The following HORMAD2 variants were observed in gnomAD, a reference collection of about 807,000 sequenced individuals.
HORMAD2 encodes HORMA domain containing 2, also known as HORMA domain-containing protein 2.
A neutral mutation model predicts 38.8 loss-of-function variants in HORMAD2; 45 were observed. The observed-to-expected ratio is 1.16, with a 90% CI of 0.91 to 1.49. The LOEUF is 1.49. Ranked by LOEUF, HORMAD2 falls within the 40% of genes most tolerant of loss-of-function variation. The probability of loss-of-function intolerance (pLI) is 0.00; values close to 1 mark genes in which losing one functional copy is unlikely to be tolerated. For missense variants in HORMAD2, 338 were observed against 367.0 expected (o/e 0.92, Z 0.65); for synonymous variants, 126 against 122.8 (o/e 1.03, Z -0.17).
intron 10 of HORMAD2, among the ~76,000 whole-genome samples, chr22:30,131,857 T>C (rs1371025550): frequency 6.6e-6 from 1 of 152,218 alleles, no homozygotes; most frequent in Non-Finnish European, 1.5e-5. Flanking sequence ...GTAGTTTACC[T>C]GATGTATTCT....
intron 1 of HORMAD2, among the ~76,000 whole-genome samples, chr22:30,090,238 T>C (rs1569080810): frequency 6.6e-6 from 1 of 151,992 alleles, no homozygotes; most frequent in East Asian, 1.9e-4. Context: ...TGGCAAATGC[T>C]TGTAGTCCCA....
At chr22:30,203,528 C>A in the HORMAD2 span, among the ~76,000 whole-genome samples, 1 of 152,162 alleles carries the variant, frequency 6.6e-6, no homozygotes, top group Non-Finnish European at 1.5e-5. Context: ...TGCTTCTCTG[C>A]ACAAGTGCAC....
At chr22:30,187,501 TTG>T in the HORMAD2 span, among the ~76,000 whole-genome samples, 22,437 of 147,474 alleles carry the variant, frequency 0.15, 2,095 homozygotes, top group African/African-American at 0.27. Flanking sequence ...TATATTTCCT[TTG>T]TGTGTGTGTG....
At chr22:30,130,590 T>TC (rs201443966) in intron 10 of HORMAD2, among the ~76,000 whole-genome samples, 350 of 136,498 alleles carry the variant, frequency 2.6e-3, no homozygotes, top group African/African-American at 7.3e-3. Flanking sequence ...TCTTTTCTTT[T>TC]TTTTTTTTTT....
chr22:30,127,230 A>C (rs566393942), intron 10 of HORMAD2, among the ~76,000 whole-genome samples: 1 of 96,942 alleles, frequency 1.0e-5, no homozygotes, highest in African/African-American at 4.5e-5. Context: ...TTTTTTTGAG[A>C]CGGAGTCTCG....
intron 10 of HORMAD2, among the ~76,000 whole-genome samples, chr22:30,173,574 A>G (rs1926249304): frequency 6.6e-6 from 1 of 152,244 alleles, no homozygotes. Context: ...AGAGAAGCAG[A>G]TGATGAATTC....
At chr22:30,112,562 A>G (rs1455219091) in intron 7 of HORMAD2, 40 bp downstream of exon 7, 4 of 916,036 alleles carry the variant, frequency 4.4e-6, no homozygotes, top group Non-Finnish European at 4.6e-6. Flanking sequence ...TAGTATATGT[A>G]TATTATATTT....
the HORMAD2 span, among the ~76,000 whole-genome samples, chr22:30,206,344 G>C: frequency 6.6e-6 from 1 of 152,120 alleles, no homozygotes. Context: ...TTTTGTATTA[G>C]AGATGGGGTT....
chr22:30,078,607 C>CAAAAAAAAAAAAAAA (rs55966787), upstream of HORMAD2, among the ~76,000 whole-genome samples: 21 of 28,106 alleles, frequency 7.5e-4, 5 homozygotes, highest in African/African-American at 1.9e-3. Flanking sequence ...CTCTGTCTCA[C>CAAAAAAAAAAAAAAA]AAAAAAAAAA....
the HORMAD2 span, among the ~76,000 whole-genome samples, chr22:30,191,240 A>G: frequency 6.6e-5 from 10 of 152,166 alleles, no homozygotes; most frequent in Non-Finnish European, 1.0e-4. Context: ...TGGTTTTCAT[A>G]CTAATCCAGG....
intron 1 of HORMAD2, among the ~76,000 whole-genome samples, chr22:30,089,227 G>T (rs888841631): frequency 6.6e-6 from 1 of 152,126 alleles, no homozygotes; most frequent in Non-Finnish European, 1.5e-5. Context: ...TGGTGATCCA[G>T]AATGGAATAT....
At chr22:30,120,648 T>A (rs912660773) in intron 8 of HORMAD2, among the ~76,000 whole-genome samples, 1 of 152,156 alleles carries the variant, frequency 6.6e-6, no homozygotes, top group African/African-American at 2.4e-5. Flanking sequence ...ATTCAACAAA[T>A]GTTGATTGAA....
intron 10 of HORMAD2, among the ~76,000 whole-genome samples, chr22:30,134,880 A>G (rs1760284252): frequency 6.6e-6 from 1 of 152,114 alleles, no homozygotes; most frequent in Non-Finnish European, 1.5e-5. Flanking sequence ...ACAAATAGCT[A>G]TTTATTATAT....
chr22:30,088,379 A>C (rs1014399893), intron 1 of HORMAD2, among the ~76,000 whole-genome samples: 1 of 151,524 alleles, frequency 6.6e-6, no homozygotes, highest in African/African-American at 2.4e-5. Context: ...TGCTAATATT[A>C]ACCTGCTTGA....
intron 1 of HORMAD2, among the ~76,000 whole-genome samples, chr22:30,091,518 A>G (rs1305405178): frequency 6.6e-6 from 1 of 152,060 alleles, no homozygotes; most frequent in African/African-American, 2.4e-5. Flanking sequence ...TGCCTGCCTC[A>G]ACCTCCCAAA....
chr22:30,180,208 T>G (rs966430065), downstream of HORMAD2, among the ~76,000 whole-genome samples: 2 of 152,146 alleles, frequency 1.3e-5, no homozygotes, highest in African/African-American at 4.8e-5. Context: ...CATTTTAGTC[T>G]GGACTTACCT....
chr22:30,190,881 C>G, the HORMAD2 span, among the ~76,000 whole-genome samples: 2 of 152,122 alleles, frequency 1.3e-5, no homozygotes, highest in East Asian at 3.9e-4. Flanking sequence ...GGAGGAGTTA[C>G]AAGAAAGAGC....
intron 10 of HORMAD2, among the ~76,000 whole-genome samples, chr22:30,131,691 C>T (rs551812758): frequency 6.6e-6 from 1 of 152,296 alleles, no homozygotes; most frequent in South Asian, 2.1e-4. Context: ...ATATCCCAAA[C>T]ATACACACTC....
chr22:30,145,665 A>G (rs922724243), intron 10 of HORMAD2, among the ~76,000 whole-genome samples: 1 of 152,200 alleles, frequency 6.6e-6, no homozygotes, highest in Admixed American at 6.5e-5. Flanking sequence ...ATGAAAAAAC[A>G]AAATGAAAAG....
Sources: allele counts gnomAD v4.1 joint callset (sites outside exome capture counted in the v4.1 genomes callset), GRCh38; gene constraint gnomAD v4.1.1; transcripts MANE v1.5; gene names NCBI Gene and HGNC (gene_info 2026-07-23, HGNC 2026-07-21).